KAZN: variants seen among roughly 807,000 people sequenced by gnomAD.
KAZN encodes the protein kazrin.
KAZN carries 40 observed loss-of-function variants against 87.4 expected under a neutral mutation model. The observed-to-expected ratio is 0.46, with a 90% CI of 0.36 to 0.60. The LOEUF (loss-of-function observed/expected upper bound fraction) is 0.60, where lower values mean the gene tolerates loss of function less well. KAZN is among the 20% of genes least tolerant of loss of function. The pLI is 0.00. For synonymous variants in KAZN, 466 were observed against 458.3 expected, an observed-to-expected ratio of 1.02 and a Z score of -0.22; for missense variants, 898 against 1,073.9, an observed-to-expected ratio of 0.84 and a Z score of 2.29.
intron 1 of KAZN, among the ~76,000 whole-genome samples, chr1:14,667,991 G>T (rs1028389): frequency 6.6e-6 from 1 of 151,800 alleles, no homozygotes; most frequent in Non-Finnish European, 1.5e-5. Context: ...AGCTCCAGGC[G>T]CAGGAATAAA....
chr1:15,095,826 A>C (rs979712953), intron 10 of KAZN, among the ~76,000 whole-genome samples: 6 of 152,188 alleles, frequency 3.9e-5, no homozygotes, highest in African/African-American at 1.4e-4. Flanking sequence ...GTTTGGAAGC[A>C]GGAAAACCAA....
intron 1 of KAZN, among the ~76,000 whole-genome samples, chr1:14,673,379 A>C (rs982218774): frequency 1.3e-5 from 2 of 152,222 alleles, no homozygotes; most frequent in Admixed American, 1.3e-4. Context: ...GGCCCATTGC[A>C]CTGAGCCTTT....
At chr1:14,456,619 T>C (rs932806610) in intron 2 of KAZN, among the ~76,000 whole-genome samples, 1 of 152,236 alleles carries the variant, frequency 6.6e-6, no homozygotes, top group African/African-American at 2.4e-5. Flanking sequence ...ACTTCTAATA[T>C]CTGCAAAATA....
chr1:14,952,535 C>A (rs1469311938), intron 1 of KAZN, among the ~76,000 whole-genome samples: 1 of 151,890 alleles, frequency 6.6e-6, no homozygotes, highest in Admixed American at 6.6e-5. Context: ...GTGAAATGCT[C>A]AGCTCTTTAG....
intron 2 of KAZN, among the ~76,000 whole-genome samples, chr1:14,211,002 A>G (rs1214067271): frequency 1.3e-5 from 2 of 152,088 alleles, no homozygotes; most frequent in African/African-American, 4.8e-5. Flanking sequence ...AGATTATTAT[A>G]ATTATTATAA....
At chr1:14,473,922 C>T (rs1668587634) in intron 2 of KAZN, among the ~76,000 whole-genome samples, 1 of 152,208 alleles carries the variant, frequency 6.6e-6, no homozygotes, top group Non-Finnish European at 1.5e-5. Context: ...GAAAGGCTTT[C>T]CTTGATCAGG....
intron 1 of KAZN, among the ~76,000 whole-genome samples, chr1:14,822,276 C>A (rs1646756274): frequency 6.6e-6 from 1 of 152,108 alleles, no homozygotes; most frequent in Non-Finnish European, 1.5e-5. Context: ...GGGAAAGAGG[C>A]TGGACTAGAG....
chr1:13,932,582 G>T (rs7531872), intron 1 of KAZN, among the ~76,000 whole-genome samples: 4,656 of 152,182 alleles, frequency 0.031, 219 homozygotes, highest in African/African-American at 0.11. Flanking sequence ...TTAAATCCAG[G>T]AATTCTCATA....
At chr1:14,523,759 T>C (rs1381647749) in intron 2 of KAZN, among the ~76,000 whole-genome samples, 1 of 152,192 alleles carries the variant, frequency 6.6e-6, no homozygotes, top group Non-Finnish European at 1.5e-5. Flanking sequence ...TACATGAAGC[T>C]AATGGCCATG....
intron 1 of KAZN, among the ~76,000 whole-genome samples, chr1:14,947,065 G>A (rs939868995): frequency 6.6e-6 from 1 of 152,154 alleles, no homozygotes; most frequent in African/African-American, 2.4e-5. Flanking sequence ...GAGACACTGG[G>A]TGTTATGCTG....
intron 2 of KAZN, among the ~76,000 whole-genome samples, chr1:14,295,476 C>A (rs914738777): frequency 1.3e-5 from 2 of 152,060 alleles, no homozygotes; most frequent in African/African-American, 4.8e-5. Flanking sequence ...GGACAAAAAA[C>A]CACACATGCA....
At chr1:14,214,926 C>T (rs1038206094) in intron 2 of KAZN, among the ~76,000 whole-genome samples, 5 of 152,200 alleles carry the variant, frequency 3.3e-5, no homozygotes, top group Non-Finnish European at 7.3e-5. Flanking sequence ...ATAGAAAACA[C>T]AGGTAAGGTG....
At chr1:14,727,482 T>C (rs1371821334) in intron 1 of KAZN, among the ~76,000 whole-genome samples, 4 of 114,366 alleles carry the variant, frequency 3.5e-5, no homozygotes, top group Non-Finnish European at 5.1e-5. Context: ...TTTTTTTTTT[T>C]TTTTTTTTTT....
At chr1:13,908,366 C>T (rs569557208) in intron 1 of KAZN, among the ~76,000 whole-genome samples, 6 of 152,344 alleles carry the variant, frequency 3.9e-5, no homozygotes, top group East Asian at 3.9e-4. Flanking sequence ...AAGCAGTCCA[C>T]GCCTTCTTGC....
At chr1:14,347,141 T>C (rs1287598364) in intron 2 of KAZN, among the ~76,000 whole-genome samples, 1 of 152,196 alleles carries the variant, frequency 6.6e-6, no homozygotes, top group Non-Finnish European at 1.5e-5. Context: ...CTTTGGGGAA[T>C]GTTCCCGCTC....
intron 1 of KAZN, among the ~76,000 whole-genome samples, chr1:14,689,380 A>G (rs559983706): frequency 6.6e-6 from 1 of 152,236 alleles, no homozygotes; most frequent in East Asian, 1.9e-4. Flanking sequence ...TCTTTCTCCC[A>G]TTCGCTCCTG....
chr1:14,949,146 C>A lies in KAZN; in HGVS notation c.227-11538C>A. 7.4e-6 allele frequency among the ~76,000 whole-genome samples: 1 copy of A among 135,262 alleles called. No homozygotes were observed. Among genetic ancestry groups the A allele is most frequent in the Non-Finnish European group, 1.5e-5 (1 of 65,262 alleles). The allele number at this position is 135,262 out of a possible 152,430, so 88.7% of individuals were successfully genotyped here. ...CCAGCCTGGGCAACAGAGTGAGACT[C>A]CGACTCAAAAATAATAATAATAATA... is the stretch of plus-strand genomic sequence containing the variant. On this transcript the variant is annotated intron_variant, in intron 1 of 14. Coordinates refer to ENST00000376030, the MANE Select transcript of KAZN (RefSeq NM_201628.3). The surrounding 1 kb of genome is among the most constrained non-coding windows in gnomAD (Gnocchi z 4.3).
chr1:14,587,247 C>T (rs1478229631), intron 2 of KAZN, among the ~76,000 whole-genome samples: 1 of 151,910 alleles, frequency 6.6e-6, no homozygotes, highest in African/African-American at 2.4e-5. Context: ...ACCTGCCTGA[C>T]CAACATGGTG....
rs151090818 is a variant in KAZN, at chr1:14,851,786, G to C, written c.227-108898G>C. ...GCCCAATACATAGACATGCTTAAGGGATGTCAGCTCTTCCTGACATTGGAC... is the reference window on the plus strand; with the variant it reads ...GCCCAATACATAGACATGCTTAAGGCATGTCAGCTCTTCCTGACATTGGAC... On this transcript the variant is annotated intron_variant, in intron 1 of 14. Transcript: ENST00000376030. 2.7e-3 allele frequency among the ~76,000 whole-genome samples: 411 copies of C among 152,298 alleles called. 3 individuals are homozygous for C. The highest frequency in any genetic ancestry group is 8.9e-3 in the African/African-American group (371 of 41,570).
Sources: allele counts gnomAD v4.1 joint callset (sites outside exome capture counted in the v4.1 genomes callset), GRCh38; gene constraint gnomAD v4.1.1; non-coding constraint Gnocchi (gnomAD v3.1); transcripts MANE v1.5; gene names NCBI Gene and HGNC (gene_info 2026-07-23, HGNC 2026-07-21).